ART3: variants seen among roughly 807,000 people sequenced by gnomAD.
The protein encoded by ART3 is ADP-ribosyltransferase 3 (inactive).
ART3 carries 49 observed loss-of-function variants against 48.5 expected under a neutral mutation model. That is an observed-to-expected ratio of 1.01 (90% CI 0.80 to 1.28). The LOEUF is 1.28. Among genes scored for constraint, ART3 ranks in the 50% most tolerant of loss-of-function variants. The probability of loss-of-function intolerance (pLI) is 0.00; values close to 1 mark genes in which losing one functional copy is unlikely to be tolerated. For synonymous variants in ART3, 145 were observed against 157.2 expected (o/e 0.92, Z 0.58); for missense variants, 438 against 454.3 (o/e 0.96, Z 0.33).
intron 2 of ART3, among the ~76,000 whole-genome samples, chr4:76,076,920 C>T (rs1348338040): frequency 6.6e-6 from 1 of 151,192 alleles, no homozygotes; most frequent in Non-Finnish European, 1.5e-5. Context: ...TTAAAAATAT[C>T]TTAAATTCTT....
intron 1 of ART3, among the ~76,000 whole-genome samples, chr4:76,047,105 C>T (rs1048199842): frequency 2.0e-5 from 3 of 151,996 alleles, no homozygotes; most frequent in African/African-American, 7.2e-5. Context: ...CCAGTGATTG[C>T]CTCAGCATAG....
At chr4:76,060,138 A>G (rs1226859495) in intron 1 of ART3, among the ~76,000 whole-genome samples, 1 of 152,184 alleles carries the variant, frequency 6.6e-6, no homozygotes. Flanking sequence ...TATAAAGTCT[A>G]ATTAACATGT....
intron 11 of ART3, among the ~76,000 whole-genome samples, chr4:76,110,011 C>G (rs1289200732): frequency 1.3e-5 from 2 of 152,184 alleles, no homozygotes; most frequent in Non-Finnish European, 2.9e-5. Context: ...CAGCATGAAA[C>G]AGTTTATCCT....
intron 1 of ART3, chr4:76,034,463 TGCA>T (rs961298672): frequency 5.8e-6 from 3 of 513,142 alleles, no homozygotes; most frequent in Non-Finnish European, 1.0e-5. Context: ...GAATGTATAA[TGCA>T]ACAAGTAAGA....
chr4:76,032,840 C>T lies in ART3; in HGVS notation c.-10+21520C>T, dbSNP rs564985725. Among the ~76,000 whole-genome samples, 121 of 151,788 alleles carry T rather than the reference C, an allele frequency of 8.0e-4. No individual in the cohort carries two copies. The Middle Eastern group carries it at 0.01, about 13-fold the overall frequency. ...ACCTCAGGTGATCCGCCCGCTTCGG[C>T]CTCCCAAAGTGCTGGGATTACAGAT... On this transcript the variant is annotated intron_variant, in intron 1 of 9. Coordinates refer to the ART3 transcript ENST00000341029.
chr4:76,039,759 G>A (rs1488123241), intron 1 of ART3, among the ~76,000 whole-genome samples: 2 of 152,080 alleles, frequency 1.3e-5, no homozygotes, highest in Non-Finnish European at 2.9e-5. Context: ...AAAGACCCTG[G>A]AAATTATTAA....
At chr4:76,105,820 T>C in intron 10 of ART3, 1 of 985,410 alleles carries the variant, frequency 1.0e-6, no homozygotes, top group Non-Finnish European at 1.2e-6. Context: ...GGCCTGTCTA[T>C]TCCAGAATGA....
At chr4:76,077,814 C>A (rs1721467051) in intron 2 of ART3, among the ~76,000 whole-genome samples, 1 of 152,200 alleles carries the variant, frequency 6.6e-6, no homozygotes, top group African/African-American at 2.4e-5. Flanking sequence ...TACAATCCCA[C>A]CAGCAGTATA....
chr4:76,052,599 GC>G (rs1024422810), intron 1 of ART3, among the ~76,000 whole-genome samples: 2 of 151,836 alleles, frequency 1.3e-5, no homozygotes, highest in Non-Finnish European at 2.9e-5. Flanking sequence ...ATCATCCACC[GC>G]CCCCAACCCT....
intron 3 of ART3, among the ~76,000 whole-genome samples, chr4:76,088,502 A>G (rs1451627905): frequency 6.6e-6 from 1 of 152,008 alleles, no homozygotes; most frequent in Non-Finnish European, 1.5e-5. Context: ...CAAAAGGGGG[A>G]AAGAAGGTGA....
intron 10 of ART3, among the ~76,000 whole-genome samples, chr4:76,106,855 G>A (rs1728581316): frequency 1.3e-5 from 2 of 152,272 alleles, no homozygotes; most frequent in Non-Finnish European, 2.9e-5. Flanking sequence ...AAGGGAGCTC[G>A]AATTTAAAGT....
intron 1 of ART3, among the ~76,000 whole-genome samples, chr4:76,014,517 AG>A (rs1732084542): frequency 6.6e-6 from 1 of 152,206 alleles, no homozygotes; most frequent in Admixed American, 6.5e-5. Flanking sequence ...GAAAGAAAAA[AG>A]AATGAAGAAA....
intron 10 of ART3, among the ~76,000 whole-genome samples, chr4:76,105,116 T>A (rs1241737953): frequency 6.6e-6 from 1 of 152,158 alleles, no homozygotes; most frequent in Admixed American, 6.6e-5. Flanking sequence ...TTGGATTTAT[T>A]TGGCCACAAC....
At chr4:76,014,112 A>G (rs1372555593) in intron 1 of ART3, among the ~76,000 whole-genome samples, 1 of 152,152 alleles carries the variant, frequency 6.6e-6, no homozygotes, top group Admixed American at 6.5e-5. Context: ...CCCCCACCGA[A>G]TGCTTATGTT....
chr4:76,099,313 A>G, intron 5 of ART3: 1 of 333,204 alleles, frequency 3.0e-6, no homozygotes, highest in Non-Finnish European at 5.7e-6. Context: ...CAAAGTTAAT[A>G]ATAATAATCC....
chr4:76,061,286 C>T (rs1340376278), intron 1 of ART3, among the ~76,000 whole-genome samples: 6 of 152,156 alleles, frequency 3.9e-5, no homozygotes, highest in Non-Finnish European at 7.3e-5. Flanking sequence ...ATTCAGACTC[C>T]TTAGCCAGAA....
chr4:76,069,439 G>C (rs1180231072), intron 1 of ART3, among the ~76,000 whole-genome samples: 11 of 140,214 alleles, frequency 7.8e-5, no homozygotes, highest in Non-Finnish European at 1.6e-4. Context: ...ACCCAGGCTG[G>C]AGTGCGGTGG....
At chr4:76,098,051 G>C (rs1039646867) in intron 4 of ART3, among the ~76,000 whole-genome samples, 1 of 152,134 alleles carries the variant, frequency 6.6e-6, no homozygotes, top group Non-Finnish European at 1.5e-5. Context: ...GCTAGCTCCT[G>C]TTCCTGTATT....
chr4:76,072,156 C>T (rs560621157), upstream of ART3, among the ~76,000 whole-genome samples: 2 of 152,308 alleles, frequency 1.3e-5, no homozygotes, highest in Admixed American at 6.5e-5. Flanking sequence ...TCAAGCCATC[C>T]TCCTGCCCTG....
Sources: gnomAD v4.1 joint callset for allele counts (sites outside exome capture counted in the v4.1 genomes callset) on GRCh38, gnomAD v4.1.1 for gene constraint, MANE v1.5 for transcripts, NCBI Gene and HGNC (gene_info 2026-07-23, HGNC 2026-07-21) for gene names.